The following ZNF232 variants were observed in gnomAD, a reference collection of about 807,000 sequenced individuals.
ZNF232 encodes the protein zinc finger protein 232.
ZNF232 carries 25 observed loss-of-function variants against 25.2 expected under a neutral mutation model. The ratio of observed to expected loss-of-function variants is 0.99; its 90% CI spans 0.72 to 1.39. The LOEUF (loss-of-function observed/expected upper bound fraction) is 1.39, where lower values mean the gene tolerates loss of function less well. ZNF232 is among the 40% of genes most tolerant of loss of function. The pLI is 0.00. For synonymous variants in ZNF232, 193 were observed against 182.9 expected (o/e 1.06, Z -0.45); for missense variants, 519 against 520.9 (o/e 1.00, Z 0.04).
intron 1 of ZNF232, among the ~76,000 whole-genome samples, chr17:5,119,862 A>G (rs1195191660): frequency 6.6e-6 from 1 of 152,108 alleles, no homozygotes; most frequent in African/African-American, 2.4e-5. Context: ...TGAAGCTCAG[A>G]GAGGTTAAGG....
At chr17:5,110,137 C>A (rs1411678414) in intron 1 of ZNF232, among the ~76,000 whole-genome samples, 2 of 152,138 alleles carry the variant, frequency 1.3e-5, no homozygotes, top group Non-Finnish European at 2.9e-5. Flanking sequence ...GGTGACCCAC[C>A]CACCTCGGCC....
chr17:5,111,677 C>G (rs1330143878), intron 1 of ZNF232, 123 bp downstream of exon 1: 2 of 1,511,936 alleles, frequency 1.3e-6, no homozygotes, highest in African/African-American at 1.4e-5. Context: ...ACCCAAACCC[C>G]TCTCCACACA....
chr17:5,105,780 T>C lies in ZNF232; in HGVS notation c.*44A>G, dbSNP rs765270238. On this transcript the variant is annotated 3_prime_UTR_variant, in exon 4 of 4. Transcript: ENST00000575898. ...TATGGGATCCAGTCCTAAAGTAGATTAGACCGATGTAGAATTCTGTCTGGA... is the reference window on the plus strand; with the variant it reads ...TATGGGATCCAGTCCTAAAGTAGATCAGACCGATGTAGAATTCTGTCTGGA... 131 of 1,494,410 alleles carry C rather than the reference T, an allele frequency of 8.8e-5. 4 individuals carry two copies. In the South Asian group the frequency reaches 1.7e-3, roughly 20 times the overall value. 92.6% of individuals were successfully genotyped at this position (1,494,410 alleles called of 1,614,324 possible). A position where few individuals can be genotyped will look rare whatever the true frequency, so the allele number is the denominator to read the frequency against.
intron 2 of ZNF232, 26 bp downstream of exon 2, chr17:5,109,368 A>AT: frequency 6.2e-7 from 1 of 1,613,804 alleles, no homozygotes; most frequent in Non-Finnish European, 8.5e-7. Flanking sequence ...TCTGGCTCCC[A>AT]TAACAGACCA....
upstream of ZNF232, among the ~76,000 whole-genome samples, chr17:5,112,823 G>A (rs1344477546): frequency 1.3e-5 from 2 of 151,812 alleles, no homozygotes; most frequent in African/African-American, 4.8e-5. Context: ...AGGTTAGCTG[G>A]GCGTGGTGGC....
At position 5,106,092 on chromosome 17, in the gene ZNF232, T is replaced by C. The variant is rs750936190; in HGVS notation, c.1040A>G (p.Glu347Gly). The change falls in exon 4 of 4, where the codon GAG (glutamate) becomes GGG (glycine). Residue 347 changes from glutamate to glycine, a missense_variant. Glu to Gly is a moderately conservative substitution (Grantham distance 98). Transcript: ENST00000575898. The stretch of plus-strand genomic sequence containing the variant: ...ACATTCATTACATTCGAAGGGTTTC[T>C]CTCCTGTATGAATTCTCTGATGCTG... 6.8e-6 allele frequency: 11 copies of C among 1,614,084 alleles called. No homozygotes were observed. In the Admixed American group the frequency reaches 1.7e-4, roughly 24 times the overall value.
intron 1 of ZNF232, chr17:5,120,822 TGTGGGCACATGTGCTGC>T (rs2072637743): frequency 2.2e-6 from 1 of 453,232 alleles, no homozygotes; most frequent in Non-Finnish European, 4.4e-6. Flanking sequence ...TGTGCACACA[TGTGGGCACATGTGCTGC>T]ATGCTGGTGC....
chr17:5,111,824 G>A (rs766277515), exon 1 of ZNF232: 1 of 1,613,858 alleles, frequency 6.2e-7, no homozygotes, highest in Non-Finnish European at 8.5e-7. Flanking sequence ...AGGTTCCATC[G>A]GGGCGCTGCC....
At chr17:5,106,678 T>C (rs928581573) in intron 3 of ZNF232, 145 bp from the exon 4 acceptor site, 3 of 633,200 alleles carry the variant, frequency 4.7e-6, no homozygotes, top group Non-Finnish European at 7.4e-6. Flanking sequence ...GATGGGACTA[T>C]ACAGAGGAGA....
chr17:5,108,337 T>A (rs552711037), intron 3 of ZNF232, among the ~76,000 whole-genome samples: 2 of 152,256 alleles, frequency 1.3e-5, no homozygotes, highest in Admixed American at 6.5e-5. Flanking sequence ...TTTGCAGGTA[T>A]GTATGCAGGC....
At chr17:5,115,829 C>T (rs367923083), upstream of ZNF232, among the ~76,000 whole-genome samples, 25 of 152,192 alleles carry the variant, frequency 1.6e-4, no homozygotes, top group African/African-American at 5.8e-4. Flanking sequence ...GGTCCAGCCT[C>T]CCGGGGACAC....
At chr17:5,106,601 A>G in intron 3 of ZNF232, 68 bp from the exon 4 acceptor site, 1 of 1,309,332 alleles carries the variant, frequency 7.6e-7, no homozygotes, top group Non-Finnish European at 1.0e-6. Flanking sequence ...AATGCTTAAA[A>G]ACAACTATAT....
At chr17:5,108,785 C>T (rs372833305) in intron 3 of ZNF232, 141 bp downstream of exon 3, 1 of 1,338,572 alleles carries the variant, frequency 7.5e-7, no homozygotes, top group East Asian at 2.4e-5. Flanking sequence ...AAGTCTCTCA[C>T]CTAAGAGATA....
upstream of ZNF232, chr17:5,111,996 C>T: frequency 1.0e-6 from 1 of 955,964 alleles, no homozygotes; most frequent in Non-Finnish European, 1.5e-6. Flanking sequence ...AGCCCGGGAA[C>T]CGGTTCCTGG....
In ZNF232 at chr17:5,109,595, T is replaced by C. The variant is rs773060589; in HGVS notation, c.297A>G (p.Gln99=). 63 of 1,614,242 alleles carry C rather than the reference T, an allele frequency of 3.9e-5. 1 individual carries two copies. The South Asian group carries it at 6.9e-4, about 18-fold the overall frequency. ...GCCACTCACAGCAGAGTACTCGTAGTTGGCTCAAGGCCTCCCGGGGACCAG... is the reference window on the plus strand; with the variant it reads ...GCCACTCACAGCAGAGTACTCGTAGCTGGCTCAAGGCCTCCCGGGGACCAG... Residue 99 remains glutamine, a synonymous_variant, in exon 2 of 4, where the codon CAA becomes CAG. Coordinates refer to ENST00000575898, the Ensembl canonical transcript of ZNF232.
In ZNF232 at chr17:5,117,664, C is replaced by G. The variant is rs149124686; in HGVS notation, c.-530+5313G>C. Among the ~76,000 whole-genome samples the G allele has an allele frequency of 2.9e-3, 436 of 152,182 alleles. 3 individuals are homozygous for G. Among genetic ancestry groups the G allele is most frequent in the Non-Finnish European group, 5.1e-3 (349 of 68,014 alleles). On this transcript the variant is annotated intron_variant, in intron 1 of 4. Transcript: ENST00000250076. ...TGGAAATTTAGAGAGGGGGATGGCA[C>G]TATCAGATTTGTTCTGAAGGAAGAA...
At chr17:5,106,207 G>C in exon 4 of ZNF232, 1 of 1,614,224 alleles carries the variant, frequency 6.2e-7, no homozygotes, top group Non-Finnish European at 8.5e-7. Flanking sequence ...TGGACAACAA[G>C]ATGTGAGTTA....
chr17:5,109,937 TG>T, intron 1 of ZNF232, 69 bp from the exon 2 acceptor site: 1 of 1,427,588 alleles, frequency 7.0e-7, no homozygotes, highest in Non-Finnish European at 9.3e-7. Flanking sequence ...TTACCCAGGC[TG>T]GAGTGCAGTG....
chr17:5,119,662 G>A (rs2072607946), intron 1 of ZNF232, among the ~76,000 whole-genome samples: 1 of 152,150 alleles, frequency 6.6e-6, no homozygotes, highest in Non-Finnish European at 1.5e-5. Context: ...TCAGCTCACT[G>A]CAGTTAACTA....
Sources: allele counts gnomAD v4.1 joint callset (sites outside exome capture counted in the v4.1 genomes callset), GRCh38; gene constraint gnomAD v4.1.1; transcripts MANE v1.5; gene names NCBI Gene and HGNC (gene_info 2026-07-23, HGNC 2026-07-21).